EFCAB11: variants seen among roughly 807,000 people sequenced by gnomAD.
EFCAB11 encodes EF-hand calcium-binding domain-containing protein 11.
A neutral mutation model predicts 23.0 loss-of-function variants in EFCAB11; 14 were observed. That is an observed-to-expected ratio of 0.61 (90% CI 0.40 to 0.95). The LOEUF is 0.95. Ranked by LOEUF, EFCAB11 falls within the 40% of genes least tolerant of loss-of-function variation. The probability of loss-of-function intolerance (pLI) is 0.00; values close to 1 mark genes in which losing one functional copy is unlikely to be tolerated. For missense variants in EFCAB11, 198 were observed against 195.8 expected (o/e 1.01, Z -0.07); for synonymous variants, 65 against 66.6 (o/e 0.98, Z 0.11).
At chr14:89,823,421 A>G (rs1886592195) in intron 5 of EFCAB11, among the ~76,000 whole-genome samples, 1 of 152,212 alleles carries the variant, frequency 6.6e-6, no homozygotes, top group Non-Finnish European at 1.5e-5. Context: ...TGAGACCCTA[A>G]GCAAAAACAA....
chr14:89,902,305 G>A (rs1298026422), intron 5 of EFCAB11, among the ~76,000 whole-genome samples: 3 of 151,958 alleles, frequency 2.0e-5, no homozygotes, highest in Non-Finnish European at 4.4e-5. Flanking sequence ...CCATTCAAAC[G>A]TTTTCTATAA....
chr14:89,827,545 G>A (rs1264562046), intron 5 of EFCAB11, among the ~76,000 whole-genome samples: 2 of 151,740 alleles, frequency 1.3e-5, no homozygotes, highest in African/African-American at 4.8e-5. Flanking sequence ...ATAGAAGGGT[G>A]AGTTTGGAGC....
chr14:89,814,704 CAA>C (rs374346075), intron 5 of EFCAB11, among the ~76,000 whole-genome samples: 1 of 138,184 alleles, frequency 7.2e-6, no homozygotes. Context: ...AACTCCCTTT[CAA>C]AAAAAAAAAA....
At chr14:89,811,662 A>T (rs2140089780) in intron 5 of EFCAB11, among the ~76,000 whole-genome samples, 1 of 152,292 alleles carries the variant, frequency 6.6e-6, no homozygotes, top group South Asian at 2.1e-4. Context: ...CCATGAACCA[A>T]GGAAGGCAGG....
At chr14:89,889,190 T>C (rs539502020) in intron 5 of EFCAB11, among the ~76,000 whole-genome samples, 1 of 152,224 alleles carries the variant, frequency 6.6e-6, no homozygotes, top group Non-Finnish European at 1.5e-5. Context: ...TCTTCCTTTT[T>C]TTGACAATTT....
chr14:89,921,926 T>A (rs184407141), intron 5 of EFCAB11, among the ~76,000 whole-genome samples: 5 of 152,304 alleles, frequency 3.3e-5, no homozygotes, highest in Admixed American at 2.6e-4. Flanking sequence ...TTACCAAAAT[T>A]CCACCTAGAA....
intron 5 of EFCAB11, among the ~76,000 whole-genome samples, chr14:89,907,324 T>C (rs1012059969): frequency 3.3e-5 from 5 of 151,890 alleles, no homozygotes; most frequent in Non-Finnish European, 7.4e-5. Context: ...TTTCCTATTA[T>C]GATGATGTTT....
At chr14:89,931,700 C>A in intron 4 of EFCAB11, 69 bp from the exon 5 acceptor site, 14 of 1,350,954 alleles carry the variant, frequency 1.0e-5, no homozygotes, top group Non-Finnish European at 1.5e-5. Flanking sequence ...TCAGCCATAA[C>A]ATTTGTGCAA....
intron 5 of EFCAB11, among the ~76,000 whole-genome samples, chr14:89,836,129 G>C (rs1439374788): frequency 6.6e-6 from 1 of 152,102 alleles, no homozygotes; most frequent in Non-Finnish European, 1.5e-5. Flanking sequence ...ACCACAAGAG[G>C]TTTACAGTCT....
chr14:89,803,227 T>C (rs1425486483), intron 5 of EFCAB11, among the ~76,000 whole-genome samples: 1 of 152,202 alleles, frequency 6.6e-6, no homozygotes, highest in Non-Finnish European at 1.5e-5. Context: ...CTTACTAATA[T>C]AATTGCTTTA....
chr14:89,802,029 A>T (rs966497315), intron 5 of EFCAB11, among the ~76,000 whole-genome samples: 5 of 152,084 alleles, frequency 3.3e-5, no homozygotes, highest in Non-Finnish European at 7.4e-5. Context: ...AATGTTTCTC[A>T]CAAGGAGTAA....
chr14:89,858,118 A>C (rs1887811420), intron 5 of EFCAB11, among the ~76,000 whole-genome samples: 1 of 152,146 alleles, frequency 6.6e-6, no homozygotes, highest in South Asian at 2.1e-4. Context: ...CCTTTCCCCT[A>C]AACGTGGGCA....
At chr14:89,896,291 G>A (rs1040531402) in intron 5 of EFCAB11, among the ~76,000 whole-genome samples, 33 of 150,184 alleles carry the variant, frequency 2.2e-4, no homozygotes, top group African/African-American at 7.7e-4. Flanking sequence ...ACAGGAGGCC[G>A]AGGCAGGAGA....
chr14:89,876,746 C>A (rs1049550169), intron 5 of EFCAB11, among the ~76,000 whole-genome samples: 3 of 152,214 alleles, frequency 2.0e-5, no homozygotes, highest in Non-Finnish European at 4.4e-5. Context: ...TCTGCTCTCC[C>A]AGACTGCAAG....
chr14:89,952,903 T>C, intron 2 of EFCAB11, among the ~76,000 whole-genome samples: 1 of 152,136 alleles, frequency 6.6e-6, no homozygotes. Context: ...GACAATATCT[T>C]GACTCTGACT....
intron 5 of EFCAB11, among the ~76,000 whole-genome samples, chr14:89,866,630 G>A (rs1429730765): frequency 2.0e-5 from 3 of 152,198 alleles, no homozygotes; most frequent in South Asian, 2.1e-4. Context: ...TCACTTGGCT[G>A]ACCCAGCCTT....
chr14:89,840,165 T>A (rs72693789), intron 5 of EFCAB11, among the ~76,000 whole-genome samples: 10,667 of 152,254 alleles, frequency 0.07, 405 homozygotes, highest in South Asian at 0.12. Context: ...TTTCTCAATA[T>A]GAGAAATCTA....
At chr14:89,865,276 C>T (rs1490732579) in intron 5 of EFCAB11, among the ~76,000 whole-genome samples, 1 of 152,176 alleles carries the variant, frequency 6.6e-6, no homozygotes, top group African/African-American at 2.4e-5. Context: ...TCACCTAAAG[C>T]AGCTGGAGTT....
intron 5 of EFCAB11, among the ~76,000 whole-genome samples, chr14:89,877,489 G>A (rs994240602): frequency 1.3e-5 from 2 of 152,190 alleles, no homozygotes; most frequent in African/African-American, 2.4e-5. Flanking sequence ...ACGAGGTGGC[G>A]AAGGTGCACA....
Sources: gnomAD v4.1 joint callset for allele counts (sites outside exome capture counted in the v4.1 genomes callset) on GRCh38, gnomAD v4.1.1 for gene constraint, MANE v1.5 for transcripts, NCBI Gene and HGNC (gene_info 2026-07-23, HGNC 2026-07-21) for gene names.